Variants in ZNF892 observed in about 807,000 individuals in gnomAD.
The protein encoded by ZNF892 is zinc finger protein 570-like.
the ZNF892 span, among the ~76,000 whole-genome samples, chr2:95,228,278 A>C: frequency 5.0e-4 from 76 of 152,216 alleles, no homozygotes; most frequent in Non-Finnish European, 2.6e-4. Context: ...ATTAAATGAC[A>C]GGAGGGCTGG....
the ZNF892 span, among the ~76,000 whole-genome samples, chr2:95,232,901 A>G: frequency 6.6e-6 from 1 of 152,080 alleles, no homozygotes. Context: ...AGGACACATA[A>G]TGGGTACTAA....
chr2:95,251,679 C>T, the ZNF892 span, among the ~76,000 whole-genome samples: 1 of 152,254 alleles, frequency 6.6e-6, no homozygotes, highest in Non-Finnish European at 1.5e-5. Context: ...GACTGCTAGC[C>T]ACAGGCTGGC....
At chr2:95,258,869 A>G in the ZNF892 span, among the ~76,000 whole-genome samples, 1 of 152,172 alleles carries the variant, frequency 6.6e-6, no homozygotes, top group Non-Finnish European at 1.5e-5. Context: ...TGAGATTGAC[A>G]TCAGACAGAT....
At chr2:95,254,972 C>A in the ZNF892 span, among the ~76,000 whole-genome samples, 1 of 151,718 alleles carries the variant, frequency 6.6e-6, no homozygotes, top group Non-Finnish European at 1.5e-5. Context: ...TCTTCTCTTT[C>A]TTCTTTATTA....
chr2:95,248,134 A>G, the ZNF892 span, among the ~76,000 whole-genome samples: 1 of 152,242 alleles, frequency 6.6e-6, no homozygotes, highest in Non-Finnish European at 1.5e-5. Flanking sequence ...TGGAACATAT[A>G]CCATGGAATT....
chr2:95,215,266 A>T, the ZNF892 span: 5 of 477,756 alleles, frequency 1.0e-5, no homozygotes, highest in Non-Finnish European at 1.9e-5. Flanking sequence ...CAGAGGACTC[A>T]CACTGGGGAG....
chr2:95,239,069 G>A, the ZNF892 span, among the ~76,000 whole-genome samples: 1 of 150,702 alleles, frequency 6.6e-6, no homozygotes, highest in Non-Finnish European at 1.5e-5. Flanking sequence ...AACCCAGGAG[G>A]TGGAGGTTGC....
chr2:95,230,557 G>T, the ZNF892 span, among the ~76,000 whole-genome samples: 1 of 152,122 alleles, frequency 6.6e-6, no homozygotes, highest in East Asian at 1.9e-4. Flanking sequence ...CAAGTCCTCT[G>T]GTAGCTGTCT....
the ZNF892 span, chr2:95,215,335 G>C: frequency 2.2e-6 from 1 of 463,534 alleles, no homozygotes; most frequent in African/African-American, 2.0e-5. Flanking sequence ...GCCCTTATTC[G>C]TCATCAGAGA....
At chr2:95,210,846 A>G in the ZNF892 span, among the ~76,000 whole-genome samples, 1 of 152,190 alleles carries the variant, frequency 6.6e-6, no homozygotes, top group Non-Finnish European at 1.5e-5. Flanking sequence ...CTAGAGAGTC[A>G]GGGAAGGCTT....
At chr2:95,260,177 C>G in the ZNF892 span, among the ~76,000 whole-genome samples, 280 of 152,338 alleles carry the variant, frequency 1.8e-3, 2 homozygotes, top group African/African-American at 6.6e-3. Flanking sequence ...CTCCCAGCAG[C>G]CTGCTGCCTG....
chr2:95,247,033 A>G, the ZNF892 span, among the ~76,000 whole-genome samples: 1 of 152,248 alleles, frequency 6.6e-6, no homozygotes, highest in East Asian at 1.9e-4. Flanking sequence ...GAACCAAAAC[A>G]GAGCCCAAAT....
chr2:95,226,447 G>A, the ZNF892 span, among the ~76,000 whole-genome samples: 3 of 152,088 alleles, frequency 2.0e-5, no homozygotes, highest in Non-Finnish European at 4.4e-5. Flanking sequence ...TAAGTTCTAG[G>A]CTGCTGTTAT....
the ZNF892 span, among the ~76,000 whole-genome samples, chr2:95,230,902 C>G: frequency 2.6e-4 from 40 of 152,330 alleles, no homozygotes; most frequent in Non-Finnish European, 4.9e-4. Flanking sequence ...ACGATAGTGT[C>G]TGTGAGTGCT....
chr2:95,255,064 G>A, the ZNF892 span, among the ~76,000 whole-genome samples: 1 of 151,900 alleles, frequency 6.6e-6, no homozygotes, highest in Non-Finnish European at 1.5e-5. Context: ...AGGGTTTTTT[G>A]TGTCTCTATA....
chr2:95,261,935 A>G, the ZNF892 span, among the ~76,000 whole-genome samples: 2 of 152,220 alleles, frequency 1.3e-5, no homozygotes, highest in Non-Finnish European at 2.9e-5. Context: ...TCAGAGCTAC[A>G]TGGAGGTGTG....
At chr2:95,206,860 G>C in the ZNF892 span, among the ~76,000 whole-genome samples, 224 of 152,114 alleles carry the variant, frequency 1.5e-3, 1 homozygote, top group Admixed American at 2.7e-3. Context: ...GCTAGAGAGA[G>C]TCTTATTTAC....
the ZNF892 span, among the ~76,000 whole-genome samples, chr2:95,242,851 C>T: frequency 2.0e-5 from 3 of 151,958 alleles, no homozygotes; most frequent in Non-Finnish European, 4.4e-5. Context: ...TCTCCCTCTC[C>T]CCACGGTCTC....
the ZNF892 span, among the ~76,000 whole-genome samples, chr2:95,252,639 T>C: frequency 6.6e-6 from 1 of 152,210 alleles, no homozygotes; most frequent in African/African-American, 2.4e-5. Context: ...TTTCTAGTTC[T>C]AGATCCCTGA....
Sources: gnomAD v4.1 joint callset for allele counts (sites outside exome capture counted in the v4.1 genomes callset) on GRCh38, gnomAD v4.1.1 for gene constraint, MANE v1.5 for transcripts, NCBI Gene and HGNC (gene_info 2026-07-23, HGNC 2026-07-21) for gene names.